The following PFKP variants were observed in gnomAD, a reference collection of about 807,000 sequenced individuals.
PFKP encodes phosphofructokinase, platelet.
Under a neutral mutation model 94.3 loss-of-function variants are expected in PFKP, and 101 were observed. The ratio of observed to expected loss-of-function variants is 1.07; its 90% CI spans 0.91 to 1.26. The LOEUF is 1.26. PFKP is among the 50% of genes most tolerant of loss of function. The pLI, the probability that PFKP is intolerant of heterozygous loss-of-function variation, is 0.00. For missense variants in PFKP, 1,145 were observed against 1,103.3 expected (o/e 1.04, Z -0.53); for synonymous variants, 573 against 432.6 (o/e 1.32, Z -4.03).
rs138674115 is a variant in PFKP, at chr10:3,093,429, C to T, written c.187-5846C>T. On this transcript the variant is annotated intron_variant, in intron 2 of 21. Transcript: ENST00000381125. ...GAGCACAGCACTGTGCAGTTTCTTACGTGTAGCTGTTCCCGACCTGACTCT... is the reference window on the plus strand; with the variant it reads ...GAGCACAGCACTGTGCAGTTTCTTATGTGTAGCTGTTCCCGACCTGACTCT... Among the ~76,000 whole-genome samples the T allele has an allele frequency of 7.4e-3, 1,130 of 152,284 alleles. 13 individuals are homozygous for T. Among genetic ancestry groups the T allele is most frequent in the African/African-American group, 0.025 (1,056 of 41,564 alleles).
chr10:3,103,844 A>G lies in PFKP; in HGVS notation c.520A>G (p.Ile174Val), dbSNP rs1284602261. Residue 174 changes from isoleucine to valine, a missense_variant, in exon 5 of 22, where the codon ATC becomes GTC. Ile to Val is a conservative substitution (Grantham distance 29, BLOSUM62 3). Transcript: ENST00000381125. ...CAACGTGGTGGGCATGGTGGGCTCCATCGACAATGATTTCTGCGGCACCGA... is the reference window on the plus strand; with the variant it reads ...CAACGTGGTGGGCATGGTGGGCTCCGTCGACAATGATTTCTGCGGCACCGA... Reference protein sequence around the residue: ...YLNVVGMVGSIDNDFCGTDMT... With the variant: ...YLNVVGMVGSVDNDFCGTDMT... 6.2e-7 allele frequency: 1 copy of G among 1,614,074 alleles called. No individual in the cohort carries two copies. The highest frequency in any genetic ancestry group is 1.7e-5 in the Admixed American group (1 of 60,030).
In PFKP at chr10:3,107,274, C is replaced by A; in HGVS notation, c.835C>A (p.Gln279Lys). Reference sequence around the variant, plus strand: ...TGTGGCTGAAGGAGCAATTGATACCCAAAATAAACCCATCACCTCTGAGAA... The same window carrying A: ...TGTGGCTGAAGGAGCAATTGATACCAAAAATAAACCCATCACCTCTGAGAA... ...IIVAEGAIDT[Q>K]NKPITSEKIK... is the part of the protein sequence containing the mutation. Residue 279 changes from glutamine to lysine, a missense_variant, in exon 8 of 22, where the codon CAA becomes AAA. By Grantham distance (53) the Gln-to-Lys change is moderately conservative. This residue lies in a region of PFKP where 1,119 missense variants were observed against 1,062.8 expected (regional missense o/e 1.05). Coordinates refer to ENST00000381125, the MANE Select transcript of PFKP (RefSeq NM_002627.5). 6.2e-7 allele frequency: 1 copy of A among 1,611,014 alleles called. No homozygotes were observed. Among genetic ancestry groups the A allele is most frequent in the Non-Finnish European group, 8.5e-7 (1 of 1,177,692 alleles).
chr10:3,108,627 C>T, intron 8 of PFKP, 74 bp from the exon 9 acceptor site: 1 of 1,092,866 alleles, frequency 9.2e-7, no homozygotes, highest in Middle Eastern at 2.0e-4. Flanking sequence ...TTCCAGTGCC[C>T]AGTACCTCCT....
At chr10:3,115,422 CCATGGAGGACAGGACTGGGGATGCCGG>C (rs1836717754) in intron 13 of PFKP, among the ~76,000 whole-genome samples, 6 of 54,220 alleles carry the variant, frequency 1.1e-4, no homozygotes, top group East Asian at 1.7e-3. Context: ...GTGTGTCCCG[CCATGGAGGACAGGACTGGGGATGCCGG>C]GGTGAAGGTG....
intron 16 of PFKP, among the ~76,000 whole-genome samples, chr10:3,123,543 G>T (rs1837633348): frequency 6.6e-6 from 1 of 152,122 alleles, no homozygotes; most frequent in Admixed American, 6.5e-5. Flanking sequence ...CCTCCTGTGT[G>T]CCTCAGGCCC....
chr10:3,088,272 T>G (rs147461884), intron 2 of PFKP, among the ~76,000 whole-genome samples: 6,460 of 151,870 alleles, frequency 0.043, 414 homozygotes, highest in African/African-American at 0.15. Flanking sequence ...TGCGATAGTT[T>G]GCTGAGAATA....
At chr10:3,091,967 C>G (rs974251144) in intron 2 of PFKP, among the ~76,000 whole-genome samples, 4 of 152,150 alleles carry the variant, frequency 2.6e-5, no homozygotes, top group Non-Finnish European at 4.4e-5. Context: ...AAAAATAACA[C>G]ATTCAAAAGG....
Position 3,125,251 on chromosome 10 carries a change from T to A in PFKP, c.1684-4568T>A, listed in dbSNP as rs187884123. On this transcript the variant is annotated intron_variant, in intron 16 of 21. Coordinates refer to ENST00000381125, the MANE Select transcript of PFKP (RefSeq NM_002627.5). Reference sequence around the variant, plus strand: ...ACTGGCCTGAATGCTGTTGTTGAGGTAAGAGAACCCCGTTTCCTCTCATTG... The same window carrying A: ...ACTGGCCTGAATGCTGTTGTTGAGGAAAGAGAACCCCGTTTCCTCTCATTG... 8.1e-4 allele frequency: 1,063 copies of A among 1,307,102 alleles called. 8 individuals are homozygous for A. The African/African-American group carries it at 0.015, about 19-fold the overall frequency. The allele number at this position is 1,307,102 out of a possible 1,614,324, so 81.0% of individuals were successfully genotyped here.
At chr10:3,071,311 T>C in intron 1 of PFKP, among the ~76,000 whole-genome samples, 1 of 152,114 alleles carries the variant, frequency 6.6e-6, no homozygotes, top group East Asian at 1.9e-4. Flanking sequence ...AATCTCTTTC[T>C]CTTTTCTATA....
At chr10:3,127,992 C>A (rs1485887640) in intron 16 of PFKP, among the ~76,000 whole-genome samples, 1 of 150,922 alleles carries the variant, frequency 6.6e-6, no homozygotes, top group East Asian at 1.9e-4. Flanking sequence ...CACAGACTCT[C>A]ACGTGGCTCC....
intron 16 of PFKP, among the ~76,000 whole-genome samples, chr10:3,122,596 G>A (rs1588539109): frequency 1.3e-5 from 2 of 152,324 alleles, no homozygotes; most frequent in East Asian, 3.9e-4. Flanking sequence ...GATGGCTCCG[G>A]GTCCCCCCGG....
intron 2 of PFKP, among the ~76,000 whole-genome samples, chr10:3,090,559 C>G (rs767847472): frequency 1.3e-5 from 2 of 152,108 alleles, no homozygotes; most frequent in African/African-American, 4.8e-5. Context: ...GCTCAGCCCC[C>G]TCCCCGGCCT....
intron 16 of PFKP, among the ~76,000 whole-genome samples, chr10:3,127,612 G>T (rs746552875): frequency 2.0e-5 from 3 of 152,168 alleles, no homozygotes; most frequent in Non-Finnish European, 2.9e-5. Context: ...AGAGAGACCC[G>T]GTACAGGTGG....
At chr10:3,119,799 C>A (rs966383497) in intron 15 of PFKP, 93 bp from the exon 16 acceptor site, 1 of 1,109,874 alleles carries the variant, frequency 9.0e-7, no homozygotes, top group South Asian at 1.4e-5. Flanking sequence ...TCCCTGCGTG[C>A]TGTGGTGGAG....
chr10:3,123,940 C>T (rs1278301768), intron 16 of PFKP, among the ~76,000 whole-genome samples: 3 of 152,144 alleles, frequency 2.0e-5, no homozygotes, highest in Non-Finnish European at 4.4e-5. Context: ...GCTCACAGCT[C>T]ACCTTGTGGT....
At chr10:3,070,708 G>A (rs986021576) in intron 1 of PFKP, among the ~76,000 whole-genome samples, 2 of 152,102 alleles carry the variant, frequency 1.3e-5, no homozygotes, top group African/African-American at 4.8e-5. Flanking sequence ...GAGCAAAACA[G>A]ATCTTAATTC....
At position 3,136,585 on chromosome 10, in the gene PFKP, T is replaced by G; in HGVS notation, c.*6T>G. 6.2e-7 allele frequency: 1 copy of G among 1,612,618 alleles called. No individual in the cohort carries two copies. Among genetic ancestry groups the G allele is most frequent in the South Asian group, 1.1e-5 (1 of 90,914 alleles). On this transcript the variant is annotated 3_prime_UTR_variant, in exon 22 of 22. Transcript: ENST00000381125. ...TGCAGCCCTGGAGTGTCTGACCCAGTCCCGCCTGCATGTGCCTGCAGCCAC... is the reference window on the plus strand; with the variant it reads ...TGCAGCCCTGGAGTGTCTGACCCAGGCCCGCCTGCATGTGCCTGCAGCCAC...
intron 17 of PFKP, among the ~76,000 whole-genome samples, chr10:3,130,382 C>T (rs1048821146): frequency 6.6e-5 from 10 of 152,186 alleles, no homozygotes; most frequent in African/African-American, 1.9e-4. Context: ...TGCCTCTAAA[C>T]GGACACAGAC....
chr10:3,104,422 C>G (rs545267004), intron 5 of PFKP, among the ~76,000 whole-genome samples: 1 of 152,306 alleles, frequency 6.6e-6, no homozygotes, highest in Admixed American at 6.5e-5. Flanking sequence ...ATTTCTGAAG[C>G]AATTTGCATG....
Sources: allele counts gnomAD v4.1 joint callset (sites outside exome capture counted in the v4.1 genomes callset), GRCh38; gene constraint gnomAD v4.1.1; regional missense constraint gnomAD v4.1.1; transcripts MANE v1.5; gene names NCBI Gene and HGNC (gene_info 2026-07-23, HGNC 2026-07-21).